The following SDK1 variants were observed in gnomAD, a reference collection of about 807,000 sequenced individuals.
SDK1 encodes the protein sidekick cell adhesion molecule 1.
SDK1 carries 157 observed loss-of-function variants against 245.5 expected under a neutral mutation model. The observed-to-expected ratio is 0.64, with a 90% CI of 0.56 to 0.73. The LOEUF (loss-of-function observed/expected upper bound fraction) is 0.73. Among genes scored for constraint, SDK1 ranks in the 30% least tolerant of loss-of-function variants. SDK1 has a pLI of 0.00. For missense variants in SDK1, 3,583 were observed against 3,002.3 expected, an observed-to-expected ratio of 1.19 and a Z score of -4.52; for synonymous variants, 1,647 against 1,278.5, an observed-to-expected ratio of 1.29 and a Z score of -6.15.
intron 4 of SDK1, among the ~76,000 whole-genome samples, chr7:3,742,984 G>A (rs1779518786): frequency 6.6e-6 from 1 of 152,206 alleles, no homozygotes; most frequent in African/African-American, 2.4e-5. Flanking sequence ...TTAACATGAG[G>A]AAGCATGTAT....
rs139688945 is a variant in SDK1 at position 3,723,658 on chromosome 7, T to TTGTGTG, written c.713+81569_713+81574dup. Among the ~76,000 whole-genome samples the TTGTGTG allele has an allele frequency of 5.1e-3, 689 of 134,178 alleles. 31 individuals are homozygous for TTGTGTG. The highest frequency in any genetic ancestry group is 0.019 in the African/African-American group (620 of 32,948). 88.0% of individuals were successfully genotyped at this position (134,178 alleles called of 152,430 possible). A position where few individuals can be genotyped will look rare whatever the true frequency, so the allele number is the denominator to read the frequency against. On this transcript the variant is annotated intron_variant, in intron 4 of 44. Coordinates refer to ENST00000404826, the MANE Select transcript of SDK1 (RefSeq NM_152744.4). Reference sequence around the variant, plus strand: ...ATTTCATTCAGTTAGTAAGTAAAAGTTGTGTGTGTGTGTGTGTGTGTATAC... The same window carrying TTGTGTG: ...ATTTCATTCAGTTAGTAAGTAAAAGTTGTGTGTGTGTGTGTGTGTGTGTGTGTATAC...
intron 4 of SDK1, among the ~76,000 whole-genome samples, chr7:3,803,213 T>G (rs1418758897): frequency 6.6e-6 from 1 of 152,182 alleles, no homozygotes; most frequent in Non-Finnish European, 1.5e-5. Flanking sequence ...TGCTCAACAC[T>G]TTTTATGTGC....
chr7:4,090,128 G>T (rs553101800), intron 22 of SDK1, among the ~76,000 whole-genome samples: 3 of 152,142 alleles, frequency 2.0e-5, no homozygotes, highest in African/African-American at 4.8e-5. Context: ...GGCATGTCCC[G>T]TTGTTAGTCC....
At chr7:3,314,530 C>G (rs1236062895) in intron 1 of SDK1, among the ~76,000 whole-genome samples, 1 of 152,178 alleles carries the variant, frequency 6.6e-6, no homozygotes, top group Non-Finnish European at 1.5e-5. Context: ...GAGTTAGTTA[C>G]AGATGAGATT....
chr7:4,051,964 C>A, intron 19 of SDK1, 134 bp downstream of exon 19: 2 of 709,366 alleles, frequency 2.8e-6, no homozygotes, highest in Non-Finnish European at 4.6e-6. Context: ...GCAGTCAGCT[C>A]ACCTAGGGAG....
chr7:3,326,423 C>G (rs144630435), intron 1 of SDK1, among the ~76,000 whole-genome samples: 79 of 152,256 alleles, frequency 5.2e-4, no homozygotes, highest in African/African-American at 1.8e-3. Flanking sequence ...TTAGTTTACT[C>G]TGATATCACT....
At chr7:4,095,754 A>G (rs752009514) in intron 22 of SDK1, among the ~76,000 whole-genome samples, 92 of 152,152 alleles carry the variant, frequency 6.0e-4, no homozygotes, top group Non-Finnish European at 1.2e-3. Context: ...TTGTATTTTT[A>G]GTAGAGATGG....
At chr7:3,402,971 G>C (rs887678304) in intron 1 of SDK1, among the ~76,000 whole-genome samples, 2 of 151,982 alleles carry the variant, frequency 1.3e-5, no homozygotes, top group African/African-American at 4.8e-5. Flanking sequence ...TTTTGAGACA[G>C]AGTTTCACTC....
intron 1 of SDK1, among the ~76,000 whole-genome samples, chr7:3,421,008 G>T (rs1779519988): frequency 6.7e-6 from 1 of 149,860 alleles, no homozygotes; most frequent in Non-Finnish European, 1.5e-5. Flanking sequence ...TTTTATTGTT[G>T]TACTGTTTAA....
chr7:3,679,600 T>C, intron 4 of SDK1, among the ~76,000 whole-genome samples: 1 of 152,132 alleles, frequency 6.6e-6, no homozygotes, highest in Non-Finnish European at 1.5e-5. Context: ...AGGAGATTAA[T>C]AGACATTTCA....
At chr7:4,073,637 C>A (rs561726490) in intron 20 of SDK1, among the ~76,000 whole-genome samples, 1 of 152,242 alleles carries the variant, frequency 6.6e-6, no homozygotes, top group African/African-American at 2.4e-5. Context: ...TCAGAGTAGA[C>A]CCCGAGGATC....
At chr7:3,606,242 TC>T (rs1379885563) in intron 1 of SDK1, among the ~76,000 whole-genome samples, 1 of 152,148 alleles carries the variant, frequency 6.6e-6, no homozygotes, top group Non-Finnish European at 1.5e-5. Context: ...CTCTTATGCT[TC>T]ACCCTTAGGC....
chr7:3,492,374 G>A (rs1781889043), intron 1 of SDK1, among the ~76,000 whole-genome samples: 1 of 152,170 alleles, frequency 6.6e-6, no homozygotes, highest in Non-Finnish European at 1.5e-5. Flanking sequence ...GGCACCTGTA[G>A]TCCCAGCTAC....
intron 43 of SDK1, among the ~76,000 whole-genome samples, chr7:4,244,464 G>T (rs191454097): frequency 6.6e-6 from 1 of 152,304 alleles, no homozygotes; most frequent in African/African-American, 2.4e-5. Context: ...GTTGTACTCA[G>T]AGTTTTTCCC....
chr7:3,597,600 G>C (rs1245519538), intron 1 of SDK1, among the ~76,000 whole-genome samples: 1 of 152,148 alleles, frequency 6.6e-6, no homozygotes, highest in Non-Finnish European at 1.5e-5. Context: ...GCTCTGTTTT[G>C]AGATTGATCT....
intron 4 of SDK1, among the ~76,000 whole-genome samples, chr7:3,809,984 A>G (rs1161292148): frequency 6.6e-6 from 1 of 152,228 alleles, no homozygotes; most frequent in Non-Finnish European, 1.5e-5. Context: ...AGCCATGCAC[A>G]GTCCTCCCAG....
In SDK1 at chr7:3,785,014, A is replaced by G. The variant is rs1176538212; in HGVS notation, c.714-36436A>G. Among the ~76,000 whole-genome samples, 8 of 152,380 alleles carry G rather than the reference A, an allele frequency of 5.3e-5. No individual in the cohort carries two copies. In the East Asian group the frequency reaches 1.3e-3, roughly 26 times the overall value. ...TGGTACTTACACGTAATGGAATACTATTCATCCTTAAAAATGAAGGAAATG... is the reference window on the plus strand; with the variant it reads ...TGGTACTTACACGTAATGGAATACTGTTCATCCTTAAAAATGAAGGAAATG... On this transcript the variant is annotated intron_variant, in intron 4 of 44. Coordinates refer to ENST00000404826, the MANE Select transcript of SDK1 (RefSeq NM_152744.4).
At chr7:3,711,142 A>G (rs1785039084) in intron 4 of SDK1, among the ~76,000 whole-genome samples, 1 of 152,234 alleles carries the variant, frequency 6.6e-6, no homozygotes, top group Non-Finnish European at 1.5e-5. Flanking sequence ...AAGTTGACAC[A>G]CTTTAATCAC....
rs59940308 is a variant in SDK1, at chr7:3,345,379, T to G, written c.298+43495T>G. On this transcript the variant is annotated intron_variant, in intron 1 of 44. Transcript: ENST00000404826. The stretch of plus-strand genomic sequence containing the variant: ...CTAACCTTTTAATATAAACGTAGTA[T>G]GTCAGCAAACCAAAGTAGCTGTCAT... Among the ~76,000 whole-genome samples, 26 of 152,316 alleles carry G rather than the reference T, an allele frequency of 1.7e-4. No homozygotes were observed. In the East Asian group the frequency reaches 5.0e-3, roughly 29 times the overall value.
Sources: gnomAD v4.1 joint callset for allele counts (sites outside exome capture counted in the v4.1 genomes callset) on GRCh38, gnomAD v4.1.1 for gene constraint, MANE v1.5 for transcripts, NCBI Gene and HGNC (gene_info 2026-07-23, HGNC 2026-07-21) for gene names.